The following DST variants were observed in gnomAD, a reference collection of about 807,000 sequenced individuals.
DST encodes the protein bullous pemphigoid antigen.
DST carries 253 observed loss-of-function variants against 875.2 expected under a neutral mutation model. The observed-to-expected ratio is 0.29, with a 90% confidence interval of 0.26 to 0.32. DST has a LOEUF of 0.32. DST is among the 10% of genes least tolerant of loss of function. DST has a pLI of 1.00. For missense variants in DST, 8,287 were observed against 9,111.6 expected (o/e 0.91, Z 3.68); for synonymous variants, 3,124 against 3,197.1 (o/e 0.98, Z 0.77).
intron 10 of DST, among the ~76,000 whole-genome samples, chr6:56,655,691 T>C (rs2099003728): frequency 6.6e-6 from 1 of 152,176 alleles, no homozygotes; most frequent in Admixed American, 6.5e-5. Flanking sequence ...TGTCAGGTTT[T>C]TCCTGACTCT....
chr6:56,614,956 AGTGCGAAGACTTAACTAGAAATGG>A, intron 36 of DST: 5 of 993,356 alleles, frequency 5.0e-6, no homozygotes. Flanking sequence ...TTAGCTTTCA[AGTGCGAAGACTTAACTAGAAATGG>A]GACATTGTGG....
At chr6:56,863,718 A>T (rs1392777604) in intron 3 of DST, 1 of 152,226 alleles carries the variant, frequency 6.6e-6, no homozygotes, top group African/African-American at 2.4e-5. Flanking sequence ...AATTTTTAAA[A>T]ATGTGTATCT....
At chr6:56,637,969 CAT>C (rs901086835) in intron 22 of DST, among the ~76,000 whole-genome samples, 3 of 151,834 alleles carry the variant, frequency 2.0e-5, no homozygotes, top group Non-Finnish European at 1.5e-5. Context: ...AAAGATGTAT[CAT>C]ATTTTTTTCA....
intron 4 of DST, among the ~76,000 whole-genome samples, chr6:56,780,174 C>T (rs944297302): frequency 5.1e-4 from 78 of 151,730 alleles, no homozygotes; most frequent in Admixed American, 1.1e-3. Flanking sequence ...TGAATAGTGC[C>T]ACAATAAACA....
chr6:56,605,138 T>C lies in DST; in HGVS notation c.9490A>G (p.Thr3164Ala), dbSNP rs1426697813. The C allele has an allele frequency of 9.9e-6, 16 of 1,612,420 alleles. No homozygotes were observed. Among genetic ancestry groups the C allele is most frequent in the African/African-American group, 1.3e-5 (1 of 74,864 alleles). Residue 3164 changes from threonine to alanine, a missense_variant, in exon 40 of 104, where the codon ACA becomes GCA. By Grantham distance (58) the Thr-to-Ala change is moderately conservative. Transcript: ENST00000680361. ...TCAGTGAATGACTCCTCAAAATGTGTATTCCCTTCCCACGATGTAATGTCT... is the reference window on the plus strand; with the variant it reads ...TCAGTGAATGACTCCTCAAAATGTGCATTCCCTTCCCACGATGTAATGTCT... Reference protein sequence around the residue: ...TSDITSWEGNTHFEESFTDGP... With the variant: ...TSDITSWEGNAHFEESFTDGP...
intron 95 of DST, 134 bp downstream of exon 95, chr6:56,470,971 TA>T: frequency 1.1e-6 from 1 of 905,200 alleles, no homozygotes. Context: ...AACATTTTTT[TA>T]AGGGTCGTGA....
intron 5 of DST, among the ~76,000 whole-genome samples, chr6:56,728,287 G>T (rs894891629): frequency 6.6e-6 from 1 of 152,060 alleles, no homozygotes; most frequent in Non-Finnish European, 1.5e-5. Context: ...ATAATTTTAG[G>T]TTCAAAAGAT....
chr6:56,466,212 GAA>G lies in DST; in HGVS notation c.22570-19_22570-18del, dbSNP rs2094569740. Reference sequence around the variant, plus strand: ...GTCTCCAAACTGTTCAGTGAAGAAAGAAAGAACCTCTAGTTGTCAATAATAAT... The same window carrying G: ...GTCTCCAAACTGTTCAGTGAAGAAAGAGAACCTCTAGTTGTCAATAATAAT... On this transcript the variant is annotated intron_variant, in intron 98 of 103. Coordinates refer to ENST00000680361, the MANE Select transcript of DST (RefSeq NM_001374736.1). 6 of 1,541,264 alleles carry G rather than the reference GAA, an allele frequency of 3.9e-6. No individual in the cohort carries two copies. Among genetic ancestry groups the G allele is most frequent in the African/African-American group, 1.4e-5 (1 of 72,772 alleles).
intron 37 of DST, 64 bp from the exon 38 acceptor site, chr6:56,611,660 A>T: frequency 8.6e-7 from 1 of 1,166,890 alleles, no homozygotes; most frequent in Non-Finnish European, 1.2e-6. Context: ...ATTTTTTTTA[A>T]AAAAAAGAAA....
rs1157457824 is a variant in DST, at chr6:56,897,090, G to A, written c.417+3331C>T. ...CAATGTTATTTCTATAATTTTTATA[G>A]TATCAGGTCTTAGGTTTAAGTCCTT... On this transcript the variant is annotated intron_variant, in intron 3 of 103. Coordinates refer to ENST00000680361, the MANE Select transcript of DST (RefSeq NM_001374736.1). Among the ~76,000 whole-genome samples, 6 of 152,218 alleles carry A rather than the reference G, an allele frequency of 3.9e-5. No individual in the cohort carries two copies. The South Asian group carries it at 1.2e-3, about 32-fold the overall frequency.
rs780659904 is a variant in DST at position 56,506,478 on chromosome 6, T to C, written c.19429A>G (p.Met6477Val). Residue 6477 changes from methionine to valine, a missense_variant, in exon 77 of 104, where the codon ATG (methionine) becomes GTG (valine). This residue lies in a region of DST where 1,292 missense variants were observed against 1,552.7 expected (regional missense o/e 0.83). Coordinates refer to ENST00000680361, the MANE Select transcript of DST (RefSeq NM_001374736.1). ...TCCTGGTACTGAACGGCAGCCTGCA[T>C]TGCCTCCTCAAGTTTGTCAATCCGG... ...KDRIDKLEEA[M>V]QAAVQYQDGL... is the part of the protein sequence containing the mutation. 2 of 1,613,218 alleles carry C rather than the reference T, an allele frequency of 1.2e-6. No homozygotes were observed. Among genetic ancestry groups the C allele is most frequent in the Admixed American group, 1.7e-5 (1 of 59,904 alleles).
intron 5 of DST, among the ~76,000 whole-genome samples, chr6:56,716,794 G>C (rs2099396078): frequency 6.6e-6 from 1 of 152,168 alleles, no homozygotes; most frequent in South Asian, 2.1e-4. Context: ...GGTTTCATGG[G>C]AGACAATTTT....
At chr6:56,813,057 A>G in intron 4 of DST, among the ~76,000 whole-genome samples, 1 of 152,092 alleles carries the variant, frequency 6.6e-6, no homozygotes, top group Non-Finnish European at 1.5e-5. Flanking sequence ...TGCAGCCATA[A>G]AAAAGGATGA....
intron 37 of DST, among the ~76,000 whole-genome samples, chr6:56,612,964 G>A (rs561188580): frequency 1.2e-4 from 19 of 152,172 alleles, no homozygotes; most frequent in Admixed American, 3.3e-4. Flanking sequence ...GGGAGGTTGC[G>A]GCTCCAGTGA....
chr6:56,719,211 C>A (rs954556893), intron 5 of DST, among the ~76,000 whole-genome samples: 2 of 152,092 alleles, frequency 1.3e-5, no homozygotes, highest in Admixed American at 6.6e-5. Context: ...TTAGACTATT[C>A]TAATATGGGT....
intron 4 of DST, among the ~76,000 whole-genome samples, chr6:56,809,373 G>C (rs536041116): frequency 3.4e-4 from 52 of 152,314 alleles, no homozygotes; most frequent in Non-Finnish European, 7.2e-4. Flanking sequence ...CAGGGTGCTA[G>C]CTAGAGTCTC....
At chr6:56,803,217 G>A (rs550748469) in intron 4 of DST, among the ~76,000 whole-genome samples, 43 of 152,140 alleles carry the variant, frequency 2.8e-4, no homozygotes, top group Admixed American at 9.8e-4. Flanking sequence ...ATACTACAGC[G>A]TACCTACCAT....
intron 78 of DST, among the ~76,000 whole-genome samples, chr6:56,502,440 T>C (rs2096164185): frequency 6.6e-6 from 1 of 152,144 alleles, no homozygotes; most frequent in Non-Finnish European, 1.5e-5. Context: ...CTTGGTATGT[T>C]CAAGTTACTT....
intron 93 of DST, 100 bp from the exon 94 acceptor site, chr6:56,472,322 A>G: frequency 9.5e-7 from 1 of 1,050,394 alleles, no homozygotes; most frequent in Non-Finnish European, 1.4e-6. Context: ...CATCAACTTA[A>G]TTACGTGTTT....
Sources: gnomAD v4.1 joint callset for allele counts (sites outside exome capture counted in the v4.1 genomes callset) on GRCh38, gnomAD v4.1.1 for gene constraint, gnomAD v4.1.1 regional missense constraint, MANE v1.5 for transcripts, NCBI Gene and HGNC (gene_info 2026-07-23, HGNC 2026-07-21) for gene names.